Variants in SPPL2A observed in about 807,000 individuals in gnomAD.
SPPL2A encodes signal peptide peptidase-like 2A.
In SPPL2A, 51 loss-of-function variants were observed where a neutral mutation model predicts 63.8. The ratio of observed to expected loss-of-function variants is 0.80; its 90% CI spans 0.64 to 1.01. SPPL2A has a LOEUF of 1.01. Ranked by LOEUF, SPPL2A falls within the 50% of genes least tolerant of loss-of-function variation. The pLI is 0.00. For synonymous variants in SPPL2A, 188 were observed against 205.8 expected, an observed-to-expected ratio of 0.91 and a Z score of 0.74; for missense variants, 553 against 622.7, an observed-to-expected ratio of 0.89 and a Z score of 1.19.
chr15:50,738,418 G>A (rs1393053879), intron 6 of SPPL2A, among the ~76,000 whole-genome samples: 6 of 150,936 alleles, frequency 4.0e-5, no homozygotes, highest in South Asian at 4.2e-4. Context: ...GCACAGTGGC[G>A]CACACCTGTA....
intron 1 of SPPL2A, among the ~76,000 whole-genome samples, chr15:50,752,443 C>T (rs1042015528): frequency 1.3e-4 from 19 of 151,822 alleles, no homozygotes; most frequent in Non-Finnish European, 2.4e-4. Context: ...TTAGGCCGGG[C>T]GCAGTGGCTC....
chr15:50,727,350 C>T (rs923824884), intron 10 of SPPL2A, among the ~76,000 whole-genome samples: 1 of 152,108 alleles, frequency 6.6e-6, no homozygotes, highest in Non-Finnish European at 1.5e-5. Context: ...CCCGTAGCTG[C>T]AGAAATCTTC....
At chr15:50,729,943 C>T (rs1320629773) in intron 10 of SPPL2A, among the ~76,000 whole-genome samples, 2 of 150,750 alleles carry the variant, frequency 1.3e-5, no homozygotes, top group African/African-American at 4.9e-5. Flanking sequence ...GAGTTTGAGG[C>T]TGCAGTGAAC....
At chr15:50,750,346 C>G (rs966391500) in intron 1 of SPPL2A, among the ~76,000 whole-genome samples, 2 of 152,114 alleles carry the variant, frequency 1.3e-5, no homozygotes, top group African/African-American at 4.8e-5. Flanking sequence ...TCCCAAACTG[C>G]TGGGATTATA....
In SPPL2A at chr15:50,705,736, C is replaced by A. The variant is rs974499210; in HGVS notation, c.*2064G>T. ...TTGCAATTTATTCAGCAAAAGCGAA[C>A]AATTTTTAAAAAGTCTCTAATGCAA... On this transcript the variant is annotated 3_prime_UTR_variant, in exon 15 of 15. Transcript: ENST00000261854. 16 of 152,174 alleles carry A rather than the reference C, an allele frequency of 1.1e-4. No homozygotes were observed. Among genetic ancestry groups the A allele is most frequent in the Non-Finnish European group, 1.9e-4 (13 of 68,016 alleles). The allele number at this position is 152,174 out of a possible 1,614,324, so 9.4% of individuals were successfully genotyped here.
intron 13 of SPPL2A, 98 bp downstream of exon 13, chr15:50,722,025 AC>A (rs1284324223): frequency 1.5e-6 from 1 of 686,052 alleles, no homozygotes; most frequent in Non-Finnish European, 2.6e-6. Flanking sequence ...GGGGTGAACC[AC>A]CATGCCCAAA....
chr15:50,757,327 C>T (rs12911143), intron 1 of SPPL2A, among the ~76,000 whole-genome samples: 37,840 of 151,814 alleles, frequency 0.25, 5,668 homozygotes, highest in East Asian at 0.55. Flanking sequence ...CGTGATCCGC[C>T]CGCCTCGGCC....
intron 12 of SPPL2A, among the ~76,000 whole-genome samples, chr15:50,723,715 A>T (rs895576373): frequency 6.6e-6 from 1 of 152,170 alleles, no homozygotes; most frequent in Non-Finnish European, 1.5e-5. Flanking sequence ...TCCTCAAGTG[A>T]TCTACCTGCC....
intron 1 of SPPL2A, among the ~76,000 whole-genome samples, chr15:50,762,486 T>G (rs1416988395): frequency 6.6e-6 from 1 of 152,120 alleles, no homozygotes; most frequent in Non-Finnish European, 1.5e-5. Flanking sequence ...TAAAAAATAT[T>G]AAAACAGCCA....
intron 1 of SPPL2A, among the ~76,000 whole-genome samples, chr15:50,761,959 A>G (rs1050351525): frequency 1.3e-5 from 2 of 152,008 alleles, no homozygotes; most frequent in Non-Finnish European, 2.9e-5. Flanking sequence ...AGCCAGCATA[A>G]ACAATATCCA....
intron 14 of SPPL2A, among the ~76,000 whole-genome samples, chr15:50,711,575 A>G (rs1311693815): frequency 6.6e-6 from 1 of 152,216 alleles, no homozygotes; most frequent in Admixed American, 6.5e-5. Context: ...AGAAACTCAC[A>G]GTAAGGGCTG....
intron 8 of SPPL2A, among the ~76,000 whole-genome samples, chr15:50,733,943 G>C (rs2062749844): frequency 1.3e-5 from 2 of 152,152 alleles, no homozygotes; most frequent in South Asian, 4.1e-4. Context: ...AAATCTGATT[G>C]CAATTAGAGA....
At chr15:50,751,659 C>T (rs1206617289) in intron 1 of SPPL2A, among the ~76,000 whole-genome samples, 4 of 152,076 alleles carry the variant, frequency 2.6e-5, no homozygotes, top group African/African-American at 9.7e-5. Context: ...TAATCTATGG[C>T]ACCATGTGAA....
In SPPL2A at chr15:50,747,484, A is replaced by C; in HGVS notation, c.584+11T>G. On this transcript the variant is annotated intron_variant, in intron 5 of 14. Coordinates refer to ENST00000261854, the MANE Select transcript of SPPL2A (RefSeq NM_032802.4). ...ATTTATTACAAAAACGCTTAAGTTA[A>C]TTAAACTTACAATTCAACTAGTCCA... The C allele has an allele frequency of 6.3e-7, 1 of 1,592,554 alleles. No individual in the cohort carries two copies. The highest frequency in any genetic ancestry group is 8.5e-7 in the Non-Finnish European group (1 of 1,174,060).
At chr15:50,726,469 C>A in intron 10 of SPPL2A, 92 bp from the exon 11 acceptor site, 1 of 1,157,864 alleles carries the variant, frequency 8.6e-7, no homozygotes, top group Non-Finnish European at 1.3e-6. Context: ...GGCATATGGC[C>A]AGTTACACTG....
intron 14 of SPPL2A, among the ~76,000 whole-genome samples, chr15:50,714,739 T>A (rs1025718574): frequency 1.3e-5 from 2 of 152,028 alleles, no homozygotes; most frequent in Non-Finnish European, 2.9e-5. Flanking sequence ...GGTCAGAAGT[T>A]CAGGACCAGC....
chr15:50,742,333 T>C (rs980278228), intron 5 of SPPL2A, among the ~76,000 whole-genome samples: 8 of 151,642 alleles, frequency 5.3e-5, no homozygotes, highest in African/African-American at 1.9e-4. Context: ...GAGGTTGCAG[T>C]GAGCCAAGAT....
chr15:50,708,613 G>A (rs914684537), intron 14 of SPPL2A, among the ~76,000 whole-genome samples: 2 of 151,610 alleles, frequency 1.3e-5, no homozygotes, highest in African/African-American at 2.4e-5. Flanking sequence ...GGCTGAGGCA[G>A]GAGAATTGCT....
Position 50,739,690 on chromosome 15 carries a change from G to A in SPPL2A, c.723C>T (p.Tyr241=). 1 of 1,576,076 alleles carries A rather than the reference G, an allele frequency of 6.3e-7. No homozygotes were observed. The highest frequency in any genetic ancestry group is 8.6e-7 in the Non-Finnish European group (1 of 1,165,386). ...AATATGACTTCTTACCCAACCATTT[G>A]TAGAAGAAATAAAGTAAGACCATCA... is the stretch of plus-strand genomic sequence containing the variant. ...CVMMVLLYFF[Y]KWLVYVMIAI... is the part of the protein sequence containing the mutation. Residue 241 remains tyrosine, a synonymous_variant, in exon 6 of 15, where the codon TAC becomes TAT. Transcript: ENST00000261854.
Sources: gnomAD v4.1 joint callset for allele counts (sites outside exome capture counted in the v4.1 genomes callset) on GRCh38, gnomAD v4.1.1 for gene constraint, MANE v1.5 for transcripts, NCBI Gene and HGNC (gene_info 2026-07-23, HGNC 2026-07-21) for gene names.